The following PGK1 variants were observed in gnomAD, a reference collection of about 807,000 sequenced individuals.
PGK1 encodes PRP 2.
Under a neutral mutation model 26.9 loss-of-function variants are expected in PGK1, and 3 were observed. That is an observed-to-expected ratio of 0.11 (90% CI 0.05 to 0.29). The LOEUF (loss-of-function observed/expected upper bound fraction) is 0.29, where lower values mean the gene tolerates loss of function less well. Among genes scored for constraint, PGK1 ranks in the 10% least tolerant of loss-of-function variants. PGK1 has a pLI of 1.00. For missense variants in PGK1, 270 were observed against 314.7 expected, an observed-to-expected ratio of 0.86 and a Z score of 1.07; for synonymous variants, 125 against 115.3, an observed-to-expected ratio of 1.08 and a Z score of -0.54.
At chrX:78,111,098 T>TC (rs2149130917) in intron 2 of PGK1, among the ~76,000 whole-genome samples, 1 of 109,153 alleles carries the variant, frequency 9.2e-6, no homozygotes, top group East Asian at 2.8e-4. Context: ...TTTTTTTTTT[T>TC]TTTTGAGACA....
At chrX:78,113,545 T>C (rs1384930642) in intron 2 of PGK1, among the ~76,000 whole-genome samples, 199 bp from the exon 3 acceptor site, 1 of 111,835 alleles carries the variant, frequency 8.9e-6, no homozygotes, top group Non-Finnish European at 1.9e-5. Context: ...GGCAGATACA[T>C]AATGAGATTG....
intron 4 of PGK1, among the ~76,000 whole-genome samples, chrX:78,114,583 A>C (rs1324078275): frequency 4.5e-5 from 2 of 44,237 alleles, no homozygotes; most frequent in Admixed American, 5.1e-4. Flanking sequence ...CTAAGTCTCA[A>C]AAAAAAAAAA....
intron 1 of PGK1, chrX:78,106,228 C>G (rs2078272077): frequency 7.9e-6 from 1 of 127,033 alleles, no homozygotes; most frequent in Non-Finnish European, 1.5e-5. Flanking sequence ...GGAAAATGAC[C>G]TGTTCAGGGT....
In PGK1 at chrX:78,104,325, C is replaced by A; in HGVS notation, c.-16C>A. On this transcript the variant is annotated 5_prime_UTR_variant, in exon 1 of 11. Coordinates refer to ENST00000373316, the MANE Select transcript of PGK1 (RefSeq NM_000291.4). ...TGACCGAATCACCGACCTCTCTCCC[C>A]AGCTGTATTTCCAAAATGTCGCTTT... is the stretch of plus-strand genomic sequence containing the variant. The A allele has an allele frequency of 2.6e-6, 3 of 1,174,111 alleles. No homozygotes were observed. Among genetic ancestry groups the A allele is most frequent in the Non-Finnish European group, 3.5e-6 (3 of 861,410 alleles).
At position 78,113,738 on chromosome X, in the gene PGK1, T is replaced by C; in HGVS notation, c.117-6T>C. The C allele has an allele frequency of 8.3e-7, 1 of 1,208,743 alleles. No homozygotes were observed. The highest frequency in any genetic ancestry group is 1.1e-6 in the Non-Finnish European group (1 of 893,107). On this transcript the variant is annotated splice_polypyrimidine_tract_variant and splice_region_variant and intron_variant, in intron 2 of 10. Coordinates refer to ENST00000373316, the MANE Select transcript of PGK1 (RefSeq NM_000291.4). ...CATTCTGTTTGTTGTCTCTCTTTGGTTGCAGGATTAAGGCTGCTGTCCCAA... is the reference window on the plus strand; with the variant it reads ...CATTCTGTTTGTTGTCTCTCTTTGGCTGCAGGATTAAGGCTGCTGTCCCAA...
At chrX:78,123,436 A>G in intron 8 of PGK1, 62 bp downstream of exon 8, 1 of 891,107 alleles carries the variant, frequency 1.1e-6, no homozygotes, top group Admixed American at 2.4e-5. Context: ...TCATTTATTC[A>G]TTGATTCAGC....
chrX:78,105,661 CCTCTT>C (rs1228492462), intron 1 of PGK1, among the ~76,000 whole-genome samples: 1 of 111,659 alleles, frequency 9.0e-6, no homozygotes, highest in Non-Finnish European at 1.9e-5. Context: ...ATGTAGCTCT[CCTCTT>C]CTCTCTAATT....
Position 78,114,156 on chromosome X carries a change from A to G in PGK1, c.413A>G (p.Asn138Ser). The change falls in exon 4 of 11, where the codon AAC (asparagine) becomes AGC (serine). Residue 138 changes from asparagine to serine, a missense_variant. By Grantham distance (46) the Asn-to-Ser change is conservative. Transcript: ENST00000373316. ...EEGKGKDASG[N>S]KVKAEPAKIE... ...GGGAAGGGAAAAGATGCTTCTGGGA[A>G]CAAGGTAGGACCTGTGATTTTGACA... 8.3e-7 allele frequency: 1 copy of G among 1,209,151 alleles called. No homozygotes were observed. The highest frequency in any genetic ancestry group is 1.1e-6 in the Non-Finnish European group (1 of 893,157).
In PGK1 at chrX:78,123,053, C is replaced by T; in HGVS notation, c.756+104C>T. 1.1e-5 allele frequency: 8 copies of T among 727,049 alleles called. No individual in the cohort carries two copies. The South Asian group carries it at 1.7e-4, about 16-fold the overall frequency. The allele number at this position is 727,049 out of a possible 1,213,427, so 59.9% of individuals were successfully genotyped here. On this transcript the variant is annotated intron_variant, in intron 7 of 10. Coordinates refer to ENST00000373316, the MANE Select transcript of PGK1 (RefSeq NM_000291.4). ...TCTTTTGACATGAGCCCTGAAAATT[C>T]CCATTTTTATTTATTTTGGCAAGTC...
Position 78,126,076 on chromosome X carries a change from T to C in PGK1, c.*246T>C, listed in dbSNP as rs782079469. ...GACTAAACCATTGTGCATTCTAGAG[T>C]GCATATATTTATATTTTGCCTGTTA... On this transcript the variant is annotated 3_prime_UTR_variant, in exon 11 of 11. Transcript: ENST00000373316. 2.2e-5 allele frequency: 9 copies of C among 404,289 alleles called. No homozygotes were observed. Among genetic ancestry groups the C allele is most frequent in the Non-Finnish European group, 3.9e-5 (9 of 231,419 alleles). 33.3% of individuals were successfully genotyped at this position (404,289 alleles called of 1,213,427 possible). A position where few individuals can be genotyped will look rare whatever the true frequency, so the allele number is the denominator to read the frequency against.
chrX:78,107,973 AAAAG>A (rs368437256), intron 1 of PGK1, among the ~76,000 whole-genome samples: 3 of 111,521 alleles, frequency 2.7e-5, no homozygotes, highest in Non-Finnish European at 3.8e-5. Context: ...AAAAAAAAAA[AAAAG>A]AAAATTGTGC....
intron 4 of PGK1, 28 bp downstream of exon 4, chrX:78,114,188 G>A (rs1557247228): frequency 5.9e-6 from 7 of 1,187,429 alleles, no homozygotes; most frequent in Non-Finnish European, 6.9e-6. Context: ...GACATTATTG[G>A]GGGTGAGGGC....
chrX:78,110,951 T>C (rs1193097544), intron 2 of PGK1, among the ~76,000 whole-genome samples: 4 of 104,145 alleles, frequency 3.8e-5, no homozygotes, highest in African/African-American at 1.4e-4. Context: ...TACTTTCTTT[T>C]TAATTTTTTT....
Position 78,104,283 on chromosome X carries a change from G to A in PGK1, c.-58G>A, listed in dbSNP as rs984474789. ...CTGCAAGCCTCCGGAGCGCACGTCG[G>A]CAGTCGGCTCCCTCGTTGACCGAAT... On this transcript the variant is annotated 5_prime_UTR_variant, in exon 1 of 11. Transcript: ENST00000373316. 5.5e-6 allele frequency: 5 copies of A among 902,606 alleles called. No homozygotes were observed. The highest frequency in any genetic ancestry group is 2.2e-5 in the Admixed American group (1 of 44,496). 74.4% of individuals were successfully genotyped at this position (902,606 alleles called of 1,213,427 possible).
rs1466434737 is a variant in PGK1, at chrX:78,126,608, C to G, written c.*778C>G. 2 of 111,377 alleles carry G rather than the reference C, an allele frequency of 1.8e-5. No homozygotes were observed. The highest frequency in any genetic ancestry group is 6.5e-5 in the African/African-American group (2 of 30,679). 9.2% of individuals were successfully genotyped at this position (111,377 alleles called of 1,213,427 possible). ...ACTCTTGAGTTTTTCAGGTATATAC[C>G]TCCATGTTTCTAAGTAATATGCTTA... On this transcript the variant is annotated 3_prime_UTR_variant, in exon 11 of 11. Coordinates refer to ENST00000373316, the MANE Select transcript of PGK1 (RefSeq NM_000291.4).
intron 4 of PGK1, among the ~76,000 whole-genome samples, chrX:78,114,988 A>G (rs1255016986): frequency 8.9e-6 from 1 of 112,085 alleles, no homozygotes; most frequent in Non-Finnish European, 1.9e-5. Context: ...CTCTGAGTCT[A>G]GTGTCTCAGT....
At position 78,128,775 on chromosome X, in the gene PGK1, G is replaced by A. The variant is rs781914248; in HGVS notation, c.*2945G>A. Reference sequence around the variant, plus strand: ...TCTTCATTTCCAAAATTTCCCTCTAGCACAGGGGTTTACACATGATCAAAA... The same window carrying A: ...TCTTCATTTCCAAAATTTCCCTCTAACACAGGGGTTTACACATGATCAAAA... On this transcript the variant is annotated 3_prime_UTR_variant, in exon 11 of 11. Transcript: ENST00000373316. The A allele has an allele frequency of 9.0e-6, 1 of 111,354 alleles. No individual in the cohort carries two copies. Among genetic ancestry groups the A allele is most frequent in the Non-Finnish European group, 1.9e-5 (1 of 53,099 alleles). 9.2% of individuals were successfully genotyped at this position (111,354 alleles called of 1,213,427 possible).
At chrX:78,107,774 G>T (rs782781024) in intron 1 of PGK1, among the ~76,000 whole-genome samples, 2 of 111,214 alleles carry the variant, frequency 1.8e-5, no homozygotes, top group South Asian at 7.5e-4. Context: ...GCTGGGCCAC[G>T]TCCTTTTGAG....
intron 2 of PGK1, among the ~76,000 whole-genome samples, chrX:78,110,942 A>T (rs1371103112): frequency 1.9e-5 from 2 of 106,761 alleles, no homozygotes; most frequent in African/African-American, 6.9e-5. Flanking sequence ...TTTTGTCTTT[A>T]CTTTCTTTTT....
Sources: gnomAD v4.1 joint callset for allele counts (sites outside exome capture counted in the v4.1 genomes callset) on GRCh38, gnomAD v4.1.1 for gene constraint, MANE v1.5 for transcripts, NCBI Gene and HGNC (gene_info 2026-07-23, HGNC 2026-07-21) for gene names.